CYP2C8: variants seen among roughly 807,000 people sequenced by gnomAD.
The protein encoded by CYP2C8 is cytochrome P450 2C8.
Under a neutral mutation model 41.3 loss-of-function variants are expected in CYP2C8, and 51 were observed. The observed-to-expected ratio is 1.24, with a 90% CI of 0.99 to 1.56. The LOEUF (loss-of-function observed/expected upper bound fraction) is 1.56, where lower values mean the gene tolerates loss of function less well. Ranked by LOEUF, CYP2C8 falls within the 40% of genes most tolerant of loss-of-function variation. The pLI is 0.00. For missense variants in CYP2C8, 651 were observed against 579.9 expected (o/e 1.12, Z -1.26); for synonymous variants, 218 against 205.8 (o/e 1.06, Z -0.51).
At chr10:95,066,619 A>C (rs1423865656) in intron 3 of CYP2C8, among the ~76,000 whole-genome samples, 1 of 152,322 alleles carries the variant, frequency 6.6e-6, no homozygotes, top group Admixed American at 6.5e-5. Flanking sequence ...CCCGAGAAAT[A>C]AGAACTGATG....
At chr10:95,049,689 C>A (rs368622060) in intron 5 of CYP2C8, among the ~76,000 whole-genome samples, 4 of 152,056 alleles carry the variant, frequency 2.6e-5, no homozygotes, top group African/African-American at 7.2e-5. Flanking sequence ...AGTACTGTAA[C>A]TTTTATGTGA....
chr10:95,039,777 C>T (rs2032959208), intron 7 of CYP2C8, among the ~76,000 whole-genome samples: 1 of 152,104 alleles, frequency 6.6e-6, no homozygotes, highest in East Asian at 1.9e-4. Flanking sequence ...GAGGATACAA[C>T]CTTATTATGT....
intron 1 of CYP2C8, chr10:95,068,444 C>T: frequency 2.2e-6 from 1 of 454,006 alleles, no homozygotes; most frequent in South Asian, 1.9e-5. Flanking sequence ...CTTTCATGCA[C>T]TTATGTTTGC....
intron 4 of CYP2C8, among the ~76,000 whole-genome samples, chr10:95,061,142 G>A (rs1048444102): frequency 2.6e-5 from 4 of 152,178 alleles, no homozygotes; most frequent in African/African-American, 4.8e-5. Context: ...TTATCAGGAT[G>A]ATGCTGGCCT....
chr10:95,048,566 C>A (rs1386669867), intron 5 of CYP2C8, among the ~76,000 whole-genome samples: 2 of 152,182 alleles, frequency 1.3e-5, no homozygotes, highest in Non-Finnish European at 2.9e-5. Context: ...TCAAGACCTT[C>A]CGATTAGCTG....
At chr10:95,068,562 C>A in intron 1 of CYP2C8, 1 of 1,278,350 alleles carries the variant, frequency 7.8e-7, no homozygotes, top group Non-Finnish European at 1.0e-6. Context: ...TAGTAGAGAA[C>A]TTATTGGATG....
At chr10:95,066,927 AT>A (rs1156547268) in intron 3 of CYP2C8, among the ~76,000 whole-genome samples, 1 of 152,198 alleles carries the variant, frequency 6.6e-6, no homozygotes, top group African/African-American at 2.4e-5. Flanking sequence ...CAAGACCCTT[AT>A]TTATAATTTC....
chr10:95,046,005 T>C, intron 5 of CYP2C8, 54 bp from the exon 6 acceptor site: 2 of 1,592,104 alleles, frequency 1.3e-6, no homozygotes, highest in African/African-American at 1.3e-5. Flanking sequence ...TATATCTAAA[T>C]ACACTAAATT....
chr10:95,064,776 A>G, intron 4 of CYP2C8, 24 bp downstream of exon 4: 3 of 1,611,454 alleles, frequency 1.9e-6, no homozygotes, highest in Non-Finnish European at 2.5e-6. Context: ...ATGGTTTCCA[A>G]GGAAAATAAA....
intron 4 of CYP2C8, among the ~76,000 whole-genome samples, chr10:95,061,691 G>T (rs2033439941): frequency 6.6e-6 from 1 of 152,092 alleles, no homozygotes; most frequent in African/African-American, 2.4e-5. Context: ...GCTTTTGAAT[G>T]TGTTTGTTCT....
At chr10:95,043,436 A>T (rs1279715303) in intron 6 of CYP2C8, among the ~76,000 whole-genome samples, 8 of 152,224 alleles carry the variant, frequency 5.3e-5, no homozygotes, top group Admixed American at 5.2e-4. Context: ...TATGGGGTAT[A>T]ATGTTAAATT....
At chr10:95,045,743 G>A in intron 6 of CYP2C8, 67 bp downstream of exon 6, 2 of 1,585,610 alleles carry the variant, frequency 1.3e-6, no homozygotes, top group Non-Finnish European at 8.7e-7. Context: ...AAACAAGGTG[G>A]AGGATACTGG....
At chr10:95,038,776 G>A (rs72655360) in intron 8 of CYP2C8, 121 bp downstream of exon 8, 9,400 of 910,790 alleles carry the variant, frequency 0.01, 78 homozygotes, top group Admixed American at 0.014. Context: ...TAAGAGTGGT[G>A]CTCTTGATCA....
chr10:95,064,754 A>G (rs1046264369), intron 4 of CYP2C8, 46 bp downstream of exon 4: 73 of 1,580,526 alleles, frequency 4.6e-5, no homozygotes, highest in Non-Finnish European at 6.2e-5. Flanking sequence ...TCTTCCCTAC[A>G]ACCTTGAATA....
chr10:95,053,570 G>A (rs2033251334), intron 5 of CYP2C8, among the ~76,000 whole-genome samples: 1 of 152,120 alleles, frequency 6.6e-6, no homozygotes. Context: ...TATGCACCAT[G>A]GAGTACTATG....
intron 8 of CYP2C8, among the ~76,000 whole-genome samples, chr10:95,038,113 G>C (rs1564732710): frequency 1.3e-5 from 2 of 152,188 alleles, no homozygotes; most frequent in Non-Finnish European, 2.9e-5. Context: ...AAAGGAAGGA[G>C]ATTCCATGGC....
In CYP2C8 at chr10:95,064,857, G is replaced by A. The variant is rs530468858; in HGVS notation, c.585C>T (p.Leu195=). The change falls in exon 4 of 9, where the codon CTC becomes CTT. Residue 195 remains leucine, a synonymous_variant. Transcript: ENST00000371270. ...KRFDYKDQNF[L]TLMKRFNENF... The stretch of plus-strand genomic sequence containing the variant: ...TTTCATTGAATCTTTTCATCAGGGT[G>A]AGAAAATTCTGATCTTTATAATCAA... 4 of 1,613,864 alleles carry A rather than the reference G, an allele frequency of 2.5e-6. No homozygotes were observed. The highest frequency in any genetic ancestry group is 2.2e-5 in the South Asian group (2 of 91,090).
At chr10:95,060,813 G>T (rs77794699) in intron 4 of CYP2C8, among the ~76,000 whole-genome samples, 1 of 151,940 alleles carries the variant, frequency 6.6e-6, no homozygotes, top group Non-Finnish European at 1.5e-5. Flanking sequence ...TTTTAGATAC[G>T]TCCCATCAAT....
At chr10:95,064,731 T>A in intron 4 of CYP2C8, 69 bp downstream of exon 4, 3 of 1,492,544 alleles carry the variant, frequency 2.0e-6, no homozygotes, top group Non-Finnish European at 2.8e-6. Flanking sequence ...AATTTTCTCA[T>A]TTTTAAACCA....
Sources: allele counts gnomAD v4.1 joint callset (sites outside exome capture counted in the v4.1 genomes callset), GRCh38; gene constraint gnomAD v4.1.1; transcripts MANE v1.5; gene names NCBI Gene and HGNC (gene_info 2026-07-23, HGNC 2026-07-21).